PARVA: variants seen among roughly 807,000 people sequenced by gnomAD.
The protein encoded by PARVA is parvin alpha.
A neutral mutation model predicts 52.6 loss-of-function variants in PARVA; 25 were observed. The ratio of observed to expected loss-of-function variants is 0.48; its 90% CI spans 0.35 to 0.66. The LOEUF is 0.66. PARVA is among the 30% of genes least tolerant of loss of function. The probability of loss-of-function intolerance (pLI) is 0.01; values close to 1 mark genes in which losing one functional copy is unlikely to be tolerated. For missense variants in PARVA, 373 were observed against 450.9 expected (o/e 0.83, Z 1.56); for synonymous variants, 185 against 179.1 (o/e 1.03, Z -0.26).
At chr11:12,508,687 G>C (rs1159447209) in intron 7 of PARVA, 45 bp downstream of exon 7, 1 of 1,367,002 alleles carries the variant, frequency 7.3e-7, no homozygotes, top group Non-Finnish European at 1.0e-6. Flanking sequence ...ATGGAACACA[G>C]ATGTTTCTCT....
Position 12,481,399 on chromosome 11 carries a change from C to T in PARVA, c.400+3450C>T, listed in dbSNP as rs1238983484. On this transcript the variant is annotated intron_variant, in intron 4 of 12. Transcript: ENST00000334956. ...GCCATTGGGAGCTCTTTCAGGTTGC[C>T]TCCTGGACACGTTCAACAAGCTGCC... is the stretch of plus-strand genomic sequence containing the variant. Among the ~76,000 whole-genome samples the T allele has an allele frequency of 2.6e-5, 4 of 151,894 alleles. No homozygotes were observed. The East Asian group carries it at 7.7e-4, about 29-fold the overall frequency.
intron 12 of PARVA, among the ~76,000 whole-genome samples, chr11:12,521,467 AAC>A (rs1337888426): frequency 6.6e-6 from 1 of 152,204 alleles, no homozygotes; most frequent in Non-Finnish European, 1.5e-5. Flanking sequence ...GAAAGTAGAA[AAC>A]AGTTTGTTCT....
intron 1 of PARVA, among the ~76,000 whole-genome samples, chr11:12,425,578 C>A (rs565758239): frequency 7.2e-5 from 11 of 152,318 alleles, no homozygotes; most frequent in African/African-American, 2.4e-4. Flanking sequence ...TGAGTGATTT[C>A]TCTCTGCTCT....
intron 1 of PARVA, among the ~76,000 whole-genome samples, chr11:12,450,874 C>G (rs941363489): frequency 3.9e-5 from 6 of 152,242 alleles, no homozygotes; most frequent in African/African-American, 1.2e-4. Flanking sequence ...CTGCTTTATT[C>G]TAGCTGTGCT....
chr11:12,513,956 T>A (rs775570962), intron 9 of PARVA, 41 bp from the exon 10 acceptor site: 2 of 1,531,604 alleles, frequency 1.3e-6, no homozygotes, highest in African/African-American at 2.7e-5. Flanking sequence ...CCTGCACTAG[T>A]GCGAGTCCCC....
At position 12,478,376 on chromosome 11, in the gene PARVA, TTGTG is replaced by T. The variant is rs138059535; in HGVS notation, c.400+437_400+440del. The T allele has an allele frequency of 1.8e-3, 562 of 317,546 alleles. 7 individuals are homozygous for T. The highest frequency in any genetic ancestry group is 0.011 in the African/African-American group (530 of 46,382). 19.7% of individuals were successfully genotyped at this position (317,546 alleles called of 1,614,324 possible). On this transcript the variant is annotated intron_variant, in intron 4 of 12. Transcript: ENST00000334956. Reference sequence around the variant, plus strand: ...GTGTGTTCCTCTGTCATCTGTGGACTTGTGTGTGTGTGTATTCCTCCCTGGGTCA... The same window carrying T: ...GTGTGTTCCTCTGTCATCTGTGGACTTGTGTGTGTATTCCTCCCTGGGTCA...
intron 1 of PARVA, among the ~76,000 whole-genome samples, chr11:12,455,822 A>G (rs1940686982): frequency 6.6e-6 from 1 of 152,036 alleles, no homozygotes; most frequent in South Asian, 2.1e-4. Context: ...ACCACCACCC[A>G]TTACAGCCCC....
chr11:12,517,722 G>A lies in PARVA; in HGVS notation c.969+11G>A. ...AGCTTTGAACAGAAGGTAAGGAGAA[G>A]GGACATCAAGGGAGGCCCCCTAGCC... On this transcript the variant is annotated intron_variant, in intron 11 of 12. Coordinates refer to ENST00000334956, the MANE Select transcript of PARVA (RefSeq NM_018222.5). 6.4e-7 allele frequency: 1 copy of A among 1,551,648 alleles called. No individual in the cohort carries two copies.
At chr11:12,391,988 C>G (rs1459559975) in intron 1 of PARVA, among the ~76,000 whole-genome samples, 1 of 152,058 alleles carries the variant, frequency 6.6e-6, no homozygotes, top group African/African-American at 2.4e-5. Context: ...GAAAAGCAAC[C>G]CTGTACCCAT....
At chr11:12,487,332 G>C (rs1341554117) in intron 4 of PARVA, among the ~76,000 whole-genome samples, 3 of 152,224 alleles carry the variant, frequency 2.0e-5, no homozygotes, top group South Asian at 2.1e-4. Context: ...GGAGATCTCA[G>C]TTCCAATCTT....
At chr11:12,425,034 T>G (rs532131539) in intron 1 of PARVA, among the ~76,000 whole-genome samples, 2 of 152,228 alleles carry the variant, frequency 1.3e-5, no homozygotes, top group Non-Finnish European at 2.9e-5. Flanking sequence ...TCAATTGGTG[T>G]TGTCCTCAGG....
At chr11:12,447,777 T>C (rs1014969432) in intron 1 of PARVA, among the ~76,000 whole-genome samples, 8 of 152,118 alleles carry the variant, frequency 5.3e-5, no homozygotes, top group Non-Finnish European at 1.0e-4. Context: ...GATAAAAACC[T>C]CGTAGGGTTC....
chr11:12,449,354 G>T (rs1056062289), intron 1 of PARVA, among the ~76,000 whole-genome samples: 12 of 151,898 alleles, frequency 7.9e-5, no homozygotes, highest in Admixed American at 1.3e-4. Context: ...ACAGGGTTTT[G>T]CCATGTTGGA....
chr11:12,406,503 TTGA>T (rs1309795489), intron 1 of PARVA, among the ~76,000 whole-genome samples: 163 of 88,902 alleles, frequency 1.8e-3, no homozygotes, highest in African/African-American at 7.7e-3. Context: ...CTTTTGTATT[TTGA>T]TTTTTTTTTT....
intron 1 of PARVA, among the ~76,000 whole-genome samples, chr11:12,459,009 T>C (rs1486697820): frequency 4.6e-5 from 7 of 152,176 alleles, no homozygotes; most frequent in Non-Finnish European, 7.3e-5. Context: ...TTCAAGCAAC[T>C]CCAAACTAAG....
At position 12,476,868 on chromosome 11, in the gene PARVA, A is replaced by ATACT. The variant is rs1941021111; in HGVS notation, c.298-976_298-973dup. Among the ~76,000 whole-genome samples, 3 of 152,358 alleles carry ATACT rather than the reference A, an allele frequency of 2.0e-5. No homozygotes were observed. In the South Asian group the frequency reaches 6.2e-4, roughly 32 times the overall value. On this transcript the variant is annotated intron_variant, in intron 3 of 12. Coordinates refer to ENST00000334956, the MANE Select transcript of PARVA (RefSeq NM_018222.5). ...GCTATTGCTGTGTTATAAAGGCAGC[A>ATACT]TACTTATGCTAAGGCAAAGACGTCC...
intron 1 of PARVA, among the ~76,000 whole-genome samples, chr11:12,420,705 T>A (rs1559843): frequency 1.3e-5 from 2 of 152,036 alleles, no homozygotes; most frequent in South Asian, 2.1e-4. Flanking sequence ...TGCCAAACAC[T>A]GTTCTAAGCA....
chr11:12,386,338 C>A (rs950880320), intron 1 of PARVA, among the ~76,000 whole-genome samples: 1 of 152,198 alleles, frequency 6.6e-6, no homozygotes, highest in Admixed American at 6.5e-5. Context: ...ATGTTTATGC[C>A]TTTACATGCT....
intron 6 of PARVA, among the ~76,000 whole-genome samples, chr11:12,505,597 A>G (rs975532251): frequency 2.6e-5 from 4 of 152,206 alleles, no homozygotes; most frequent in African/African-American, 9.7e-5. Flanking sequence ...GAGAGGGCTC[A>G]TAGGAAATGG....
Sources: allele counts gnomAD v4.1 joint callset (sites outside exome capture counted in the v4.1 genomes callset), GRCh38; gene constraint gnomAD v4.1.1; transcripts MANE v1.5; gene names NCBI Gene and HGNC (gene_info 2026-07-23, HGNC 2026-07-21).